Variants in TRAPPC9 observed in about 807,000 individuals in gnomAD.
TRAPPC9 encodes the protein trafficking protein particle complex subunit 9, also known as IKK2 binding protein.
TRAPPC9 carries 83 observed loss-of-function variants against 124.0 expected under a neutral mutation model. The observed-to-expected ratio is 0.67, with a 90% CI of 0.56 to 0.80. TRAPPC9 has a LOEUF of 0.80. TRAPPC9 is among the 30% of genes least tolerant of loss of function. The pLI is 0.00. For missense variants in TRAPPC9, 1,302 were observed against 1,508.3 expected (o/e 0.86, Z 2.27); for synonymous variants, 638 against 617.5 (o/e 1.03, Z -0.49).
intron 21 of TRAPPC9, among the ~76,000 whole-genome samples, chr8:139,765,725 G>A (rs1467171814): frequency 6.6e-6 from 1 of 152,176 alleles, no homozygotes; most frequent in African/African-American, 2.4e-5. Context: ...GGGGGCAGAG[G>A]CAGGAACAAC....
At chr8:139,868,125 G>A (rs773492904) in intron 21 of TRAPPC9, among the ~76,000 whole-genome samples, 9 of 152,174 alleles carry the variant, frequency 5.9e-5, no homozygotes, top group African/African-American at 1.4e-4. Flanking sequence ...TTGGGAGGCC[G>A]AGGCAGGTGG....
intron 17 of TRAPPC9, among the ~76,000 whole-genome samples, chr8:140,198,069 C>T (rs559124153): frequency 7.6e-4 from 116 of 152,330 alleles, no homozygotes; most frequent in Non-Finnish European, 1.5e-3. Context: ...ACAGCATCCA[C>T]AGGGTGACCC....
chr8:140,062,375 G>A (rs923514860), intron 17 of TRAPPC9, among the ~76,000 whole-genome samples: 2 of 152,286 alleles, frequency 1.3e-5, no homozygotes, highest in East Asian at 1.9e-4. Context: ...TCGGTAGGAC[G>A]TGTGTAACCT....
At chr8:139,939,735 C>G (rs2665955) in intron 19 of TRAPPC9, among the ~76,000 whole-genome samples, 55,179 of 152,202 alleles carry the variant, frequency 0.36, 12,185 homozygotes, top group Non-Finnish European at 0.48. Context: ...CACATCTGAT[C>G]ATGGCTTATT....
intron 21 of TRAPPC9, among the ~76,000 whole-genome samples, chr8:139,869,626 G>C (rs919482961): frequency 2.0e-5 from 3 of 152,074 alleles, no homozygotes; most frequent in African/African-American, 7.2e-5. Flanking sequence ...TTAAAACAAG[G>C]AACATAACTT....
At chr8:140,419,329 TGAGGC>T (rs1435340325) in intron 5 of TRAPPC9, among the ~76,000 whole-genome samples, 1 of 143,838 alleles carries the variant, frequency 7.0e-6, no homozygotes, top group African/African-American at 2.6e-5. Context: ...CTCGGGAGGC[TGAGGC>T]AGGAGAATGG....
chr8:139,854,448 T>C (rs1190283568), intron 21 of TRAPPC9, among the ~76,000 whole-genome samples: 1 of 152,240 alleles, frequency 6.6e-6, no homozygotes, highest in African/African-American at 2.4e-5. Context: ...TTGGTGTCCG[T>C]GTCTGTGCCC....
At chr8:139,792,264 T>G (rs1316132024) in intron 21 of TRAPPC9, among the ~76,000 whole-genome samples, 1 of 151,948 alleles carries the variant, frequency 6.6e-6, no homozygotes, top group African/African-American at 2.4e-5. Context: ...GACCTCTCCA[T>G]CTCAGGAGAG....
chr8:139,989,318 T>TGTGC (rs1837475139), intron 18 of TRAPPC9, among the ~76,000 whole-genome samples: 1 of 151,936 alleles, frequency 6.6e-6, no homozygotes, highest in Non-Finnish European at 1.5e-5. Context: ...TGTGTGTGTG[T>TGTGC]GTGCACATCC....
intron 19 of TRAPPC9, among the ~76,000 whole-genome samples, chr8:139,953,078 G>A (rs1160860279): frequency 6.6e-6 from 1 of 152,190 alleles, no homozygotes; most frequent in Non-Finnish European, 1.5e-5. Flanking sequence ...AGAGGCAGAG[G>A]ACACGATGGA....
At chr8:140,351,394 T>C (rs533919572) in intron 9 of TRAPPC9, among the ~76,000 whole-genome samples, 1 of 151,668 alleles carries the variant, frequency 6.6e-6, no homozygotes, top group South Asian at 2.1e-4. Flanking sequence ...TTTCCTTCCC[T>C]AAACAATGCA....
intron 19 of TRAPPC9, among the ~76,000 whole-genome samples, chr8:139,973,673 G>A (rs1240046034): frequency 1.3e-5 from 2 of 152,236 alleles, no homozygotes; most frequent in Non-Finnish European, 2.9e-5. Flanking sequence ...ACCCCGGAAG[G>A]CACGGGTGAA....
chr8:140,245,197 A>G (rs1481501498), intron 16 of TRAPPC9, among the ~76,000 whole-genome samples: 1 of 152,186 alleles, frequency 6.6e-6, no homozygotes, highest in Non-Finnish European at 1.5e-5. Context: ...TTATGAAGCA[A>G]ACACCCTAGA....
intron 17 of TRAPPC9, among the ~76,000 whole-genome samples, chr8:140,211,430 G>A (rs765819801): frequency 3.3e-5 from 5 of 151,906 alleles, no homozygotes; most frequent in African/African-American, 4.8e-5. Flanking sequence ...GTGGTAGCAC[G>A]CACCTGTAGT....
chr8:140,278,689 C>T (rs564247636), intron 14 of TRAPPC9, among the ~76,000 whole-genome samples: 3 of 152,134 alleles, frequency 2.0e-5, no homozygotes, highest in Non-Finnish European at 4.4e-5. Context: ...ACAGGAGATG[C>T]CATCAGGCCG....
chr8:140,029,350 C>T (rs1379318554), intron 17 of TRAPPC9, among the ~76,000 whole-genome samples: 1 of 152,156 alleles, frequency 6.6e-6, no homozygotes, highest in Non-Finnish European at 1.5e-5. Context: ...ACTAAAAGTA[C>T]ACAAATTAGC....
intron 21 of TRAPPC9, among the ~76,000 whole-genome samples, chr8:139,741,672 C>T (rs1818569242): frequency 6.6e-6 from 1 of 151,910 alleles, no homozygotes; most frequent in African/African-American, 2.4e-5. Flanking sequence ...ACTGCCCTGC[C>T]CCCCAGACCC....
intron 17 of TRAPPC9, among the ~76,000 whole-genome samples, chr8:140,206,631 A>C (rs1166819009): frequency 6.6e-6 from 1 of 152,126 alleles, no homozygotes; most frequent in Non-Finnish European, 1.5e-5. Context: ...GGATCTTTAA[A>C]GTGGCATTCA....
intron 16 of TRAPPC9, among the ~76,000 whole-genome samples, chr8:140,243,814 A>G (rs1563876576): frequency 6.6e-6 from 1 of 152,266 alleles, no homozygotes; most frequent in Non-Finnish European, 1.5e-5. Flanking sequence ...GGTACCACAA[A>G]GATGGACCTA....
Sources: gnomAD v4.1 joint callset for allele counts (sites outside exome capture counted in the v4.1 genomes callset) on GRCh38, gnomAD v4.1.1 for gene constraint, MANE v1.5 for transcripts, NCBI Gene and HGNC (gene_info 2026-07-23, HGNC 2026-07-21) for gene names.